The following WDR7 variants were observed in gnomAD, a reference collection of about 807,000 sequenced individuals.
WDR7 encodes the protein WD repeat domain 7.
In WDR7, 46 loss-of-function variants were observed where a neutral mutation model predicts 169.4. The observed-to-expected ratio is 0.27, with a 90% CI of 0.21 to 0.35. WDR7 has a LOEUF of 0.35. WDR7 is among the 10% of genes least tolerant of loss of function. The probability of loss-of-function intolerance (pLI) is 1.00; values close to 1 mark genes in which losing one functional copy is unlikely to be tolerated. For synonymous variants in WDR7, 612 were observed against 666.8 expected, an observed-to-expected ratio of 0.92 and a Z score of 1.27; for missense variants, 1,534 against 1,859.3, an observed-to-expected ratio of 0.83 and a Z score of 3.22.
intron 22 of WDR7, among the ~76,000 whole-genome samples, chr18:56,931,749 G>A (rs186333783): frequency 1.6e-4 from 24 of 152,282 alleles, no homozygotes; most frequent in Non-Finnish European, 3.2e-4. Context: ...TACCATGTGG[G>A]AAGACAAGAA....
In WDR7 at chr18:56,794,835, A is replaced by G. The variant is rs547300371; in HGVS notation, c.3190+13179A>G. On this transcript the variant is annotated intron_variant, in intron 19 of 27. Coordinates refer to ENST00000254442, the MANE Select transcript of WDR7 (RefSeq NM_015285.3). The stretch of plus-strand genomic sequence containing the variant: ...CTTTTAATCTATAGAGTTTCTATCA[A>G]TCAATCATCTACTTGTCTTTAGCTC... Among the ~76,000 whole-genome samples, 3 of 152,260 alleles carry G rather than the reference A, an allele frequency of 2.0e-5. No individual in the cohort carries two copies. In the East Asian group the frequency reaches 5.8e-4, roughly 29 times the overall value.
intron 19 of WDR7, among the ~76,000 whole-genome samples, chr18:56,791,992 A>ATT (rs141664781): frequency 1.0e-4 from 15 of 150,384 alleles, no homozygotes; most frequent in African/African-American, 3.7e-4. Flanking sequence ...GAAAAATACA[A>ATT]TTTTTTTTTT....
rs112017944 is a variant in WDR7, at chr18:56,886,071, G to A, written c.3526+5906G>A. ...GGAAAACATATTTGAGGGAATAATC[G>A]AGGAAAACATTTGCACCCTTGCTAG... On this transcript the variant is annotated intron_variant, in intron 21 of 27. Transcript: ENST00000254442. 2.2e-3 allele frequency among the ~76,000 whole-genome samples: 337 copies of A among 152,206 alleles called. 3 individuals carry two copies. Among genetic ancestry groups the A allele is most frequent in the African/African-American group, 7.8e-3 (323 of 41,516 alleles).
In WDR7 at chr18:56,876,959, G is replaced by A. The variant is rs147761481; in HGVS notation, c.3305-2985G>A. On this transcript the variant is annotated intron_variant, in intron 20 of 27. Transcript: ENST00000254442. ...GCGCTTTGGGAGGCGAAGGCAGGAA[G>A]ATCACTTGTGGCCAGGAGTACAAGA... Among the ~76,000 whole-genome samples the A allele has an allele frequency of 6.5e-3, 983 of 152,268 alleles. 12 individuals carry two copies. The highest frequency in any genetic ancestry group is 0.024 in the Middle Eastern group (7 of 294).
At chr18:56,787,002 A>G (rs2044411152) in intron 19 of WDR7, among the ~76,000 whole-genome samples, 1 of 152,106 alleles carries the variant, frequency 6.6e-6, no homozygotes, top group Non-Finnish European at 1.5e-5. Flanking sequence ...AAATTTTTGC[A>G]TTATAATTCA....
At chr18:56,898,138 G>A (rs2046354118) in intron 21 of WDR7, among the ~76,000 whole-genome samples, 1 of 151,984 alleles carries the variant, frequency 6.6e-6, no homozygotes, top group African/African-American at 2.4e-5. Context: ...AAAAGGACAT[G>A]GGACCAACCT....
rs991363903 is a variant in WDR7 at position 56,810,464 on chromosome 18, C to A, written c.3191-5567C>A. Among the ~76,000 whole-genome samples the A allele has an allele frequency of 3.9e-5, 6 of 152,160 alleles. No homozygotes were observed. The East Asian group carries it at 7.7e-4, about 20-fold the overall frequency. On this transcript the variant is annotated intron_variant, in intron 19 of 27. Coordinates refer to ENST00000254442, the MANE Select transcript of WDR7 (RefSeq NM_015285.3). ...ATATATAATTTTGAAGTAAACAAGTCAATCACTTCTTATTGATTGGGAACA... is the reference window on the plus strand; with the variant it reads ...ATATATAATTTTGAAGTAAACAAGTAAATCACTTCTTATTGATTGGGAACA...
At chr18:56,706,999 TGA>T (rs1568149397) in intron 12 of WDR7, among the ~76,000 whole-genome samples, 165 of 151,120 alleles carry the variant, frequency 1.1e-3, no homozygotes, top group African/African-American at 3.7e-3. Context: ...TTTTTTTTTT[TGA>T]GAGAGAGTCT....
chr18:56,728,606 T>C (rs1015386336), intron 13 of WDR7, among the ~76,000 whole-genome samples: 1 of 152,192 alleles, frequency 6.6e-6, no homozygotes, highest in Non-Finnish European at 1.5e-5. Context: ...CCTGCATAGA[T>C]GCCCTCTTCT....
At chr18:56,971,914 A>G (rs186018735) in intron 26 of WDR7, among the ~76,000 whole-genome samples, 1 of 152,336 alleles carries the variant, frequency 6.6e-6, no homozygotes, top group Admixed American at 6.5e-5. Context: ...TCAATAGATA[A>G]GCAGAGACAT....
intron 20 of WDR7, among the ~76,000 whole-genome samples, chr18:56,858,822 G>A (rs183012864): frequency 5.9e-5 from 9 of 152,272 alleles, no homozygotes; most frequent in Admixed American, 4.6e-4. Flanking sequence ...AAACCCTTGA[G>A]CAACATCTGC....
At chr18:57,032,842 T>TATATATATACATAC (rs1555649900), downstream of WDR7, 1 of 121,978 alleles carries the variant, frequency 8.2e-6, no homozygotes, top group Non-Finnish European at 1.7e-5. Context: ...TATATATATA[T>TATATATATACATAC]ATACAGTGTA....
chr18:56,778,641 A>G (rs538770369), intron 17 of WDR7, among the ~76,000 whole-genome samples: 2 of 152,126 alleles, frequency 1.3e-5, no homozygotes. Context: ...CTATTTGGGA[A>G]TGTCTGTTAT....
chr18:56,674,795 A>G (rs532398980), intron 2 of WDR7, among the ~76,000 whole-genome samples: 2 of 152,274 alleles, frequency 1.3e-5, no homozygotes, highest in Middle Eastern at 3.4e-3. Context: ...AGAATTTTAT[A>G]TACTAGTTTT....
chr18:56,952,175 T>C (rs1599186823), intron 25 of WDR7, among the ~76,000 whole-genome samples: 1 of 152,188 alleles, frequency 6.6e-6, no homozygotes, highest in Admixed American at 6.5e-5. Context: ...TGAGAAGCAC[T>C]GCTCTCAGCT....
intron 3 of WDR7, among the ~76,000 whole-genome samples, chr18:56,680,540 A>G (rs1162715807): frequency 6.6e-6 from 1 of 152,244 alleles, no homozygotes; most frequent in Non-Finnish European, 1.5e-5. Context: ...ATATAATACC[A>G]TATGAGATAT....
chr18:56,652,240 T>C (rs1162039186), intron 1 of WDR7, among the ~76,000 whole-genome samples: 1 of 152,178 alleles, frequency 6.6e-6, no homozygotes, highest in Non-Finnish European at 1.5e-5. Context: ...TTAGATAGTC[T>C]GAAACTAGGG....
chr18:56,664,607 C>G (rs1598943946), intron 1 of WDR7, among the ~76,000 whole-genome samples: 3 of 150,530 alleles, frequency 2.0e-5, no homozygotes, highest in South Asian at 4.2e-4. Context: ...TAATACAGCC[C>G]TTGGCACATA....
intron 14 of WDR7, among the ~76,000 whole-genome samples, chr18:56,742,686 C>T (rs2043638605): frequency 2.0e-5 from 3 of 152,044 alleles, no homozygotes; most frequent in Admixed American, 1.3e-4. Flanking sequence ...GAAAGTATTG[C>T]GGAAGCCTGT....
Sources: allele counts gnomAD v4.1 joint callset (sites outside exome capture counted in the v4.1 genomes callset), GRCh38; gene constraint gnomAD v4.1.1; transcripts MANE v1.5; gene names NCBI Gene and HGNC (gene_info 2026-07-23, HGNC 2026-07-21).